Variants in IFT43 observed in about 807,000 individuals in gnomAD.
The protein encoded by IFT43 is intraflagellar transport 43, also known as intraflagellar transport protein 43 homolog.
IFT43 carries 33 observed loss-of-function variants against 32.3 expected under a neutral mutation model. The ratio of observed to expected loss-of-function variants is 1.02; its 90% CI spans 0.77 to 1.37. The LOEUF (loss-of-function observed/expected upper bound fraction) is 1.37. Among genes scored for constraint, IFT43 ranks in the 40% most tolerant of loss-of-function variants. The probability of loss-of-function intolerance (pLI) is 0.00; values close to 1 mark genes in which losing one functional copy is unlikely to be tolerated. For missense variants in IFT43, 274 were observed against 265.9 expected, an observed-to-expected ratio of 1.03 and a Z score of -0.21; for synonymous variants, 93 against 98.2, an observed-to-expected ratio of 0.95 and a Z score of 0.31.
chr14:76,005,455 C>T (rs1461788221), intron 2 of IFT43, among the ~76,000 whole-genome samples: 3 of 152,350 alleles, frequency 2.0e-5, no homozygotes, highest in Non-Finnish European at 2.9e-5. Context: ...CTCTGCCTCC[C>T]TTGCAATGAA....
At chr14:76,033,517 C>CT (rs960742751) in intron 3 of IFT43, among the ~76,000 whole-genome samples, 9 of 151,360 alleles carry the variant, frequency 5.9e-5, no homozygotes, top group African/African-American at 1.2e-4. Context: ...GGTTTGGCTT[C>CT]TTTTTTTTTC....
At chr14:75,986,653 T>G (rs2035535828) in intron 1 of IFT43, among the ~76,000 whole-genome samples, 1 of 152,160 alleles carries the variant, frequency 6.6e-6, no homozygotes, top group Non-Finnish European at 1.5e-5. Context: ...GCGTTATAGT[T>G]AGTAAATAAT....
chr14:76,083,699 C>T lies in IFT43; in HGVS notation c.*122C>T, dbSNP rs957854996. The T allele has an allele frequency of 1.1e-6, 1 of 921,250 alleles. No homozygotes were observed. The highest frequency in any genetic ancestry group is 1.6e-5 in the African/African-American group (1 of 60,818). The allele number at this position is 921,250 out of a possible 1,614,324, so 57.1% of individuals were successfully genotyped here. On this transcript the variant is annotated 3_prime_UTR_variant, in exon 9 of 9. Coordinates refer to ENST00000314067, the MANE Select transcript of IFT43 (RefSeq NM_001102564.3). ...ATAAAAATATTTATATTCAGTCAACCACATTGGATAATTCAATTGCAATAA... is the reference window on the plus strand; with the variant it reads ...ATAAAAATATTTATATTCAGTCAACTACATTGGATAATTCAATTGCAATAA...
intron 2 of IFT43, among the ~76,000 whole-genome samples, chr14:76,014,729 C>G (rs1201844530): frequency 6.6e-6 from 1 of 152,160 alleles, no homozygotes; most frequent in African/African-American, 2.4e-5. Flanking sequence ...ATATTGTAAG[C>G]CTTATGCATG....
intron 5 of IFT43, among the ~76,000 whole-genome samples, chr14:76,066,079 A>G (rs1180876391): frequency 6.6e-6 from 1 of 152,204 alleles, no homozygotes; most frequent in Non-Finnish European, 1.5e-5. Flanking sequence ...TCTCAGATAC[A>G]CTGGCGTCTC....
chr14:76,053,888 C>T (rs954637037), intron 3 of IFT43, among the ~76,000 whole-genome samples: 1 of 152,200 alleles, frequency 6.6e-6, no homozygotes, highest in Non-Finnish European at 1.5e-5. Flanking sequence ...ATGAACACCA[C>T]GTACTTGGGC....
At chr14:76,065,783 T>G (rs528819810) in intron 5 of IFT43, among the ~76,000 whole-genome samples, 9 of 152,364 alleles carry the variant, frequency 5.9e-5, no homozygotes, top group Non-Finnish European at 1.3e-4. Flanking sequence ...CCATTTAATT[T>G]ATTATTTATT....
Position 76,083,435 on chromosome 14 carries a change from C to T in IFT43, c.508-23C>T, listed in dbSNP as rs1320209503. On this transcript the variant is annotated intron_variant, in intron 8 of 8. Coordinates refer to ENST00000314067, the MANE Select transcript of IFT43 (RefSeq NM_001102564.3). Reference sequence around the variant, plus strand: ...AGGGAAAAGGCCTTTCTTTGTCTTACCCAGCGAAACCCTTCTTGGCAGGAT... The same window carrying T: ...AGGGAAAAGGCCTTTCTTTGTCTTATCCAGCGAAACCCTTCTTGGCAGGAT... 4.3e-6 allele frequency: 7 copies of T among 1,613,968 alleles called. No individual in the cohort carries two copies. In the South Asian group the frequency reaches 5.5e-5, roughly 13 times the overall value.
At chr14:76,040,106 C>T (rs1200399117) in intron 3 of IFT43, among the ~76,000 whole-genome samples, 1 of 152,144 alleles carries the variant, frequency 6.6e-6, no homozygotes, top group Non-Finnish European at 1.5e-5. Context: ...GTGTGTGTCA[C>T]CACACCCAGC....
At chr14:76,044,634 A>G (rs1470515677) in intron 3 of IFT43, among the ~76,000 whole-genome samples, 1 of 152,192 alleles carries the variant, frequency 6.6e-6, no homozygotes, top group East Asian at 1.9e-4. Flanking sequence ...ACCAGCCTCC[A>G]TCCTGAGACC....
At chr14:76,023,688 T>G (rs2036337643) in intron 3 of IFT43, among the ~76,000 whole-genome samples, 1 of 152,206 alleles carries the variant, frequency 6.6e-6, no homozygotes, top group African/African-American at 2.4e-5. Flanking sequence ...TGGTGATGTT[T>G]GTGAGTTGCA....
At chr14:76,038,064 C>G (rs1002552361) in intron 3 of IFT43, 1 of 152,040 alleles carries the variant, frequency 6.6e-6, no homozygotes, top group Non-Finnish European at 1.5e-5. Flanking sequence ...TTGATTTTTC[C>G]CTTGCTACCC....
intron 2 of IFT43, among the ~76,000 whole-genome samples, chr14:76,006,745 A>G (rs1050804799): frequency 3.3e-5 from 5 of 152,186 alleles, no homozygotes; most frequent in African/African-American, 9.7e-5. Flanking sequence ...TGTACTGCCA[A>G]TCCACACAAA....
intron 4 of IFT43, 103 bp from the exon 5 acceptor site, chr14:76,059,224 A>G (rs2037084059): frequency 1.2e-6 from 2 of 1,608,256 alleles, no homozygotes; most frequent in East Asian, 2.2e-5. Context: ...GTTCAGGGAC[A>G]TTTTCATCTA....
chr14:76,062,595 T>C (rs368820645), intron 5 of IFT43, among the ~76,000 whole-genome samples: 21 of 152,226 alleles, frequency 1.4e-4, no homozygotes, highest in African/African-American at 4.8e-4. Context: ...TGAACGTGTA[T>C]TGCTTTTGCA....
At chr14:76,005,118 A>C (rs1343921131) in intron 2 of IFT43, among the ~76,000 whole-genome samples, 1 of 152,110 alleles carries the variant, frequency 6.6e-6, no homozygotes, top group Non-Finnish European at 1.5e-5. Flanking sequence ...TCACATTTTC[A>C]CACTTCTTCA....
At chr14:76,059,301 G>A (rs774723927) in intron 4 of IFT43, 26 bp from the exon 5 acceptor site, 10 of 1,613,742 alleles carry the variant, frequency 6.2e-6, no homozygotes, top group Admixed American at 5.0e-5. Context: ...ATTTTTTGCT[G>A]TCCTTTTCTT....
chr14:76,042,072 C>T (rs1313314017), intron 3 of IFT43, among the ~76,000 whole-genome samples: 2 of 151,882 alleles, frequency 1.3e-5, no homozygotes, highest in African/African-American at 2.4e-5. Flanking sequence ...GGAGAGCCCA[C>T]GTGTCTTGTC....
intron 3 of IFT43, among the ~76,000 whole-genome samples, chr14:76,036,903 C>T (rs1173582051): frequency 6.6e-6 from 1 of 151,812 alleles, no homozygotes; most frequent in Non-Finnish European, 1.5e-5. Context: ...TCATAGCTCA[C>T]TGCAACCTTG....
Sources: allele counts gnomAD v4.1 joint callset (sites outside exome capture counted in the v4.1 genomes callset), GRCh38; gene constraint gnomAD v4.1.1; transcripts MANE v1.5; gene names NCBI Gene and HGNC (gene_info 2026-07-23, HGNC 2026-07-21).